The following GRIK4 variants were observed in gnomAD, a reference collection of about 807,000 sequenced individuals.
GRIK4 encodes glutamate receptor ionotropic, kainate 4.
Under a neutral mutation model 104.9 loss-of-function variants are expected in GRIK4, and 40 were observed. The ratio of observed to expected loss-of-function variants is 0.38; its 90% CI spans 0.30 to 0.50. GRIK4 has a LOEUF of 0.50. Among genes scored for constraint, GRIK4 ranks in the 20% least tolerant of loss-of-function variants. The probability of loss-of-function intolerance (pLI) is 0.93; values close to 1 mark genes in which losing one functional copy is unlikely to be tolerated. For missense variants in GRIK4, 1,047 were observed against 1,308.1 expected, an observed-to-expected ratio of 0.80 and a Z score of 3.08; for synonymous variants, 485 against 524.9, an observed-to-expected ratio of 0.92 and a Z score of 1.04.
chr11:120,711,019 G>A (rs1472284608), intron 3 of GRIK4, among the ~76,000 whole-genome samples: 1 of 150,200 alleles, frequency 6.7e-6, no homozygotes, highest in Non-Finnish European at 1.5e-5. Context: ...GTGAGCAGCT[G>A]CAGGGCCCTG....
At chr11:120,652,459 C>T (rs546769022) in intron 1 of GRIK4, among the ~76,000 whole-genome samples, 3 of 152,284 alleles carry the variant, frequency 2.0e-5, no homozygotes, top group Admixed American at 2.0e-4. Context: ...TTGATTCTCC[C>T]TCAAGGAGGC....
chr11:120,935,124 G>T (rs997340044), intron 13 of GRIK4, among the ~76,000 whole-genome samples: 2 of 152,150 alleles, frequency 1.3e-5, no homozygotes, highest in African/African-American at 4.8e-5. Context: ...TTCTAGTCAG[G>T]CACATTAAAG....
At chr11:120,867,052 C>T (rs1460142277) in intron 9 of GRIK4, among the ~76,000 whole-genome samples, 3 of 152,030 alleles carry the variant, frequency 2.0e-5, no homozygotes, top group Non-Finnish European at 4.4e-5. Context: ...GGTCAGCACT[C>T]CAATATAACC....
At chr11:120,936,271 C>A in intron 13 of GRIK4, 1 of 509,122 alleles carries the variant, frequency 2.0e-6, no homozygotes. Flanking sequence ...TCCACATCTT[C>A]CAGCTCCTTT....
chr11:120,518,681 C>T (rs980584237), intron 1 of GRIK4, among the ~76,000 whole-genome samples: 6 of 152,096 alleles, frequency 3.9e-5, no homozygotes, highest in Non-Finnish European at 7.4e-5. Context: ...GCAATGTGCG[C>T]GACCTTGGCT....
chr11:120,809,600 C>T (rs994794075), intron 4 of GRIK4, among the ~76,000 whole-genome samples: 1 of 152,228 alleles, frequency 6.6e-6, no homozygotes, highest in Admixed American at 6.5e-5. Flanking sequence ...ATTTAATGAG[C>T]AATTTCTTTT....
intron 1 of GRIK4, among the ~76,000 whole-genome samples, chr11:120,552,326 C>T (rs1158911601): frequency 6.6e-6 from 1 of 152,162 alleles, no homozygotes; most frequent in Non-Finnish European, 1.5e-5. Flanking sequence ...CACCCCCACA[C>T]ATTTGGTCAC....
At chr11:120,982,787 A>G (rs1049500003) in intron 20 of GRIK4, among the ~76,000 whole-genome samples, 1 of 152,142 alleles carries the variant, frequency 6.6e-6, no homozygotes, top group African/African-American at 2.4e-5. Flanking sequence ...CAGTCTCCCA[A>G]CTCTGAATCT....
In GRIK4 at chr11:120,905,297, C is replaced by T. The variant is rs764490538; in HGVS notation, c.1280C>T (p.Pro427Leu). Residue 427 changes from proline (P) to leucine (L), a missense_variant, in exon 13 of 21, where the codon CCA becomes CTA. Physicochemically the swap from Pro to Leu is moderately conservative, Grantham distance 98. Around this residue, in one of 3 missense-constraint regions of GRIK4, gnomAD observed 440 missense variants for 652.3 expected, o/e 0.67. Transcript: ENST00000527524. This position sits in a 1 kb window ranked among gnomAD's most constrained non-coding sequence, Gnocchi z 5.1. The stretch of plus-strand genomic sequence containing the variant: ...TGCCCAGTTTTGCTGCAGGAGAACC[C>T]ATATTTAATGCTGAAGGGGAACCAC... Reference protein sequence around the residue: ...TLVVTTILENPYLMLKGNHQE... With the variant: ...TLVVTTILENLYLMLKGNHQE... The T allele has an allele frequency of 1.2e-6, 2 of 1,611,742 alleles. No individual in the cohort carries two copies. The highest frequency in any genetic ancestry group is 1.7e-6 in the Non-Finnish European group (2 of 1,177,882).
chr11:120,957,559 A>T (rs1483287380), intron 16 of GRIK4, among the ~76,000 whole-genome samples: 1 of 147,264 alleles, frequency 6.8e-6, no homozygotes, highest in East Asian at 2.0e-4. Context: ...TTGTTATTAG[A>T]CCATTATGGG....
At chr11:120,593,217 CTCT>C (rs1459743370) in intron 1 of GRIK4, among the ~76,000 whole-genome samples, 1 of 151,492 alleles carries the variant, frequency 6.6e-6, no homozygotes, top group African/African-American at 2.4e-5. Flanking sequence ...GCAGTTGTAC[CTCT>C]TCTTCTGTTC....
chr11:120,815,284 G>T, intron 4 of GRIK4, 94 bp from the exon 5 acceptor site: 2 of 712,910 alleles, frequency 2.8e-6, no homozygotes. Flanking sequence ...AGAAGGTGAG[G>T]GGGCAGCGGG....
intron 9 of GRIK4, 64 bp from the exon 10 acceptor site, chr11:120,874,002 C>G: frequency 7.1e-7 from 1 of 1,404,268 alleles, no homozygotes; most frequent in Non-Finnish European, 9.8e-7. Context: ...TTTTCTCCCT[C>G]CCCTCCCTTT....
chr11:120,726,065 C>T (rs1434221519), intron 3 of GRIK4, among the ~76,000 whole-genome samples: 1 of 152,166 alleles, frequency 6.6e-6, no homozygotes, highest in East Asian at 1.9e-4. Context: ...GTTACAAAAA[C>T]CTAGCAGAAA....
chr11:120,775,397 G>A (rs998872801), intron 3 of GRIK4, among the ~76,000 whole-genome samples: 2 of 152,206 alleles, frequency 1.3e-5, no homozygotes, highest in African/African-American at 2.4e-5. Context: ...CAGGCAGCCT[G>A]GGTTCTGGTC....
chr11:120,647,463 C>G (rs1165322632), intron 1 of GRIK4, among the ~76,000 whole-genome samples: 11 of 152,246 alleles, frequency 7.2e-5, no homozygotes, highest in Admixed American at 7.2e-4. Flanking sequence ...AAAGTCCAAA[C>G]TCCTTAACCA....
At chr11:120,712,923 C>A (rs1950764469) in intron 3 of GRIK4, among the ~76,000 whole-genome samples, 1 of 152,146 alleles carries the variant, frequency 6.6e-6, no homozygotes, top group South Asian at 2.1e-4. Flanking sequence ...AGCCTGGATC[C>A]CTTCTTTTGC....
At chr11:120,741,879 T>C (rs1951339576) in intron 3 of GRIK4, among the ~76,000 whole-genome samples, 1 of 152,182 alleles carries the variant, frequency 6.6e-6, no homozygotes, top group Non-Finnish European at 1.5e-5. Flanking sequence ...ATGCAGTCTC[T>C]GCCCTGGGGG....
chr11:120,608,284 T>A (rs1232108094), intron 1 of GRIK4, among the ~76,000 whole-genome samples: 1 of 152,114 alleles, frequency 6.6e-6, no homozygotes, highest in Non-Finnish European at 1.5e-5. Context: ...TCCAGGAGTT[T>A]GAGACCAGCC....
Sources: allele counts gnomAD v4.1 joint callset (sites outside exome capture counted in the v4.1 genomes callset), GRCh38; gene constraint gnomAD v4.1.1; regional missense constraint gnomAD v4.1.1; non-coding constraint Gnocchi (gnomAD v3.1); transcripts MANE v1.5; gene names NCBI Gene and HGNC (gene_info 2026-07-23, HGNC 2026-07-21).